Variants in PIGW observed in about 807,000 individuals in gnomAD.
PIGW encodes phosphatidylinositol glycan anchor biosynthesis class W, also known as glucosaminyl-phosphatidylinositol-acyltransferase PIGW.
A neutral mutation model predicts 34.0 loss-of-function variants in PIGW; 23 were observed. The ratio of observed to expected loss-of-function variants is 0.68; its 90% CI spans 0.49 to 0.96. The LOEUF (loss-of-function observed/expected upper bound fraction) is 0.96. PIGW is among the 40% of genes least tolerant of loss of function. The pLI, the probability that PIGW is intolerant of heterozygous loss-of-function variation, is 0.00. For missense variants in PIGW, 574 were observed against 586.3 expected, an observed-to-expected ratio of 0.98 and a Z score of 0.22; for synonymous variants, 225 against 225.2, an observed-to-expected ratio of 1.00 and a Z score of 0.01.
Position 36,538,050 on chromosome 17 carries a change from A to G in PIGW, c.949A>G (p.Met317Val). 1.2e-6 allele frequency: 2 copies of G among 1,614,176 alleles called. No homozygotes were observed. The highest frequency in any genetic ancestry group is 1.1e-5 in the South Asian group (1 of 91,082). ...ISTLGYVAIHMAGVQTGLYMH... is the reference protein window; with the variant it reads ...ISTLGYVAIHVAGVQTGLYMH... ...TACCCTGGGGTATGTGGCAATACACATGGCTGGTGTGCAAACAGGGTTATA... is the reference window on the plus strand; with the variant it reads ...TACCCTGGGGTATGTGGCAATACACGTGGCTGGTGTGCAAACAGGGTTATA... The change falls in exon 2 of 2, where the codon ATG (methionine) becomes GTG (valine). Residue 317 changes from methionine (M) to valine (V), a missense_variant. Coordinates refer to ENST00000614443, the MANE Select transcript of PIGW (RefSeq NM_001346754.2).
intron 1 of PIGW, among the ~76,000 whole-genome samples, chr17:36,536,885 A>G (rs1240007604): frequency 6.6e-6 from 1 of 152,148 alleles, no homozygotes; most frequent in East Asian, 1.9e-4. Context: ...ATAATTTAAT[A>G]TTATTAGTAT....
At chr17:36,536,209 C>T (rs887751238) in intron 1 of PIGW, among the ~76,000 whole-genome samples, 8 of 152,148 alleles carry the variant, frequency 5.3e-5, no homozygotes, top group Non-Finnish European at 1.2e-4. Flanking sequence ...CCATCCTAAC[C>T]TGAAAACATA....
chr17:36,537,004 C>A, intron 1 of PIGW, 90 bp from the exon 2 acceptor site: 2 of 1,138,408 alleles, frequency 1.8e-6, no homozygotes, highest in Non-Finnish European at 1.2e-6. Flanking sequence ...GCTCTGAAAT[C>A]TAGTAATAAG....
At chr17:36,536,518 CTTTT>C (rs1315279215) in intron 1 of PIGW, among the ~76,000 whole-genome samples, 1 of 139,216 alleles carries the variant, frequency 7.2e-6, no homozygotes, top group Non-Finnish European at 1.6e-5. Context: ...TTTGCTTTTT[CTTTT>C]CCTTTTTTTT....
In PIGW at chr17:36,538,340, T is replaced by G. The variant is rs1444984264; in HGVS notation, c.1239T>G (p.Leu413=). 6.2e-7 allele frequency: 1 copy of G among 1,614,164 alleles called. No homozygotes were observed. Among genetic ancestry groups the G allele is most frequent in the African/African-American group, 1.3e-5 (1 of 75,038 alleles). ...KGALVPCSWK[L]IQSPVTNKKH... is the part of the protein sequence containing the mutation. ...CTCTAGTACCATGTTCTTGGAAACT[T>G]ATCCAGTCACCTGTTACAAATAAAA... The change falls in exon 2 of 2, where the codon CTT becomes CTG. Residue 413 remains leucine (L), a synonymous_variant. Coordinates refer to ENST00000614443, the MANE Select transcript of PIGW (RefSeq NM_001346754.2).
At chr17:36,536,683 T>C (rs975972785) in intron 1 of PIGW, among the ~76,000 whole-genome samples, 6 of 151,864 alleles carry the variant, frequency 4.0e-5, no homozygotes, top group African/African-American at 1.5e-4. Context: ...CCTGGCTAAT[T>C]TTTGTATTTT....
chr17:36,536,555 T>G (rs1291620841), intron 1 of PIGW, among the ~76,000 whole-genome samples: 10 of 145,650 alleles, frequency 6.9e-5, no homozygotes, highest in African/African-American at 2.5e-4. Flanking sequence ...AGATGGAGTC[T>G]CACTCTGTGG....
chr17:36,538,621 C>A lies in PIGW; in HGVS notation c.*5C>A. On this transcript the variant is annotated 3_prime_UTR_variant, in exon 2 of 2. Coordinates refer to ENST00000614443, the MANE Select transcript of PIGW (RefSeq NM_001346754.2). Reference sequence around the variant, plus strand: ...AAGACTGTACAATTTTGGTGATCAGCAGGAGTAGGATATATAAGTATTTGG... The same window carrying A: ...AAGACTGTACAATTTTGGTGATCAGAAGGAGTAGGATATATAAGTATTTGG... 1 of 1,571,326 alleles carries A rather than the reference C, an allele frequency of 6.4e-7. No individual in the cohort carries two copies. Among genetic ancestry groups the A allele is most frequent in the Non-Finnish European group, 8.7e-7 (1 of 1,150,578 alleles).
At position 36,537,517 on chromosome 17, in the gene PIGW, T is replaced by G; in HGVS notation, c.416T>G (p.Phe139Cys). ...ISCFRVITSA[F>C]TAIAILAVDF... ...TGTTTCCGTGTAATTACCAGTGCGT[T>G]TACTGCTATTGCTATTTTGGCTGTG... Residue 139 changes from phenylalanine (F) to cysteine (C), a missense_variant, in exon 2 of 2, where the codon TTT becomes TGT. Coordinates refer to ENST00000614443, the MANE Select transcript of PIGW (RefSeq NM_001346754.2). 2 of 1,614,200 alleles carry G rather than the reference T, an allele frequency of 1.2e-6. No individual in the cohort carries two copies. The highest frequency in any genetic ancestry group is 1.7e-6 in the Non-Finnish European group (2 of 1,180,040).
intron 1 of PIGW, among the ~76,000 whole-genome samples, chr17:36,536,427 G>A (rs535476063): frequency 1.3e-5 from 2 of 151,982 alleles, no homozygotes; most frequent in Admixed American, 6.6e-5. Context: ...TTCATGATAC[G>A]TACTGTGCTC....
At position 36,538,779 on chromosome 17, in the gene PIGW, A is replaced by T; in HGVS notation, c.*163A>T. On this transcript the variant is annotated 3_prime_UTR_variant, in exon 2 of 2. Transcript: ENST00000614443. ...TTAATTATTTTTTTTTTTGAGACAG[A>T]GTCTTGCTCTGTTACCCAGGCTGGA... 1 of 654,884 alleles carries T rather than the reference A, an allele frequency of 1.5e-6. No homozygotes were observed. The highest frequency in any genetic ancestry group is 2.5e-6 in the Non-Finnish European group (1 of 394,462). 40.6% of individuals were successfully genotyped at this position (654,884 alleles called of 1,614,324 possible).
chr17:36,537,961 A>G lies in PIGW; in HGVS notation c.860A>G (p.Tyr287Cys). 6.2e-7 allele frequency: 1 copy of G among 1,614,046 alleles called. No homozygotes were observed. The highest frequency in any genetic ancestry group is 8.5e-7 in the Non-Finnish European group (1 of 1,180,004). Residue 287 changes from tyrosine (Y) to cysteine (C), a missense_variant, in exon 2 of 2, where the codon TAT becomes TGT. Transcript: ENST00000614443. ...DFTSLKRLILYGTDGSGTRVG... is the reference protein window; with the variant it reads ...DFTSLKRLILCGTDGSGTRVG... ...ACCTCACTGAAGAGGTTAATATTAT[A>G]TGGCACTGATGGTAGTGGCACACGG...
chr17:36,537,592 C>G lies in PIGW; in HGVS notation c.491C>G (p.Thr164Arg). ...RRFAKTELYGTGAMDFGVGGF... is the reference protein window; with the variant it reads ...RRFAKTELYGRGAMDFGVGGF... Reference sequence around the variant, plus strand: ...TTTGCCAAAACTGAGCTCTATGGGACAGGAGCAATGGATTTTGGAGTAGGT... The same window carrying G: ...TTTGCCAAAACTGAGCTCTATGGGAGAGGAGCAATGGATTTTGGAGTAGGT... The change falls in exon 2 of 2, where the codon ACA (threonine) becomes AGA (arginine). Residue 164 changes from threonine to arginine, a missense_variant. By Grantham distance (71) the Thr-to-Arg change is moderately conservative (BLOSUM62 -1). Transcript: ENST00000614443. 2 of 1,614,138 alleles carry G rather than the reference C, an allele frequency of 1.2e-6. No individual in the cohort carries two copies. Among genetic ancestry groups the G allele is most frequent in the Non-Finnish European group, 1.7e-6 (2 of 1,180,036 alleles).
At position 36,538,478 on chromosome 17, in the gene PIGW, T is replaced by G; in HGVS notation, c.1377T>G (p.Thr459=). ...TTTTCTTGCTGTCAAATATAACAAC[T>G]GGCCTGATCAACCTGATGGTAGATA... ...LIFFLLSNIT[T]GLINLMVDTL... Residue 459 remains threonine (T), a synonymous_variant, in exon 2 of 2, where the codon ACT becomes ACG. Coordinates refer to ENST00000614443, the MANE Select transcript of PIGW (RefSeq NM_001346754.2). The G allele has an allele frequency of 6.2e-7, 1 of 1,614,164 alleles. No homozygotes were observed. The highest frequency in any genetic ancestry group is 8.5e-7 in the Non-Finnish European group (1 of 1,180,012).
In PIGW at chr17:36,538,401, A is replaced by C; in HGVS notation, c.1300A>C (p.Met434Leu). 1 of 1,614,082 alleles carries C rather than the reference A, an allele frequency of 6.2e-7. No homozygotes were observed. The highest frequency in any genetic ancestry group is 1.3e-5 in the African/African-American group (1 of 75,052). ...ATCTCTAGTCCCTGAAGCCGAAAGA[A>C]TGGAACCCAGTCTTTGTTTAATCAC... ...SESLVPEAER[M>L]EPSLCLITAL... The change falls in exon 2 of 2, where the codon ATG becomes CTG. Residue 434 changes from methionine to leucine, a missense_variant. Coordinates refer to ENST00000614443, the MANE Select transcript of PIGW (RefSeq NM_001346754.2).
Position 36,538,362 on chromosome 17 carries a change from A to G in PIGW, c.1261A>G (p.Lys421Glu). ...ACTTATCCAGTCACCTGTTACAAAT[A>G]AAAAGCATTCAGAATCTCTAGTCCC... ...WKLIQSPVTN[K>E]KHSESLVPEA... is the part of the protein sequence containing the mutation. The change falls in exon 2 of 2, where the codon AAA becomes GAA. Residue 421 changes from lysine (K) to glutamate (E), a missense_variant. Lys to Glu is a moderately conservative substitution (Grantham distance 56). Coordinates refer to ENST00000614443, the MANE Select transcript of PIGW (RefSeq NM_001346754.2). The G allele has an allele frequency of 6.2e-7, 1 of 1,614,190 alleles. No homozygotes were observed. The highest frequency in any genetic ancestry group is 1.1e-5 in the South Asian group (1 of 91,086).
rs1202637398 is a variant in PIGW, at chr17:36,538,481, C to T, written c.1380C>T (p.Gly460=). ...IFFLLSNITT[G]LINLMVDTLH... is the part of the protein sequence containing the mutation. The stretch of plus-strand genomic sequence containing the variant: ...TCTTGCTGTCAAATATAACAACTGG[C>T]CTGATCAACCTGATGGTAGATACAT... The change falls in exon 2 of 2, where the codon GGC becomes GGT. Residue 460 remains glycine, a synonymous_variant. Transcript: ENST00000614443. 6.2e-7 allele frequency: 1 copy of T among 1,614,084 alleles called. No homozygotes were observed. Among genetic ancestry groups the T allele is most frequent in the Non-Finnish European group, 8.5e-7 (1 of 1,179,970 alleles).
rs376634596 is a variant in PIGW, at chr17:36,537,106, C to A, written c.5C>A (p.Ser2Tyr). The change falls in exon 2 of 2, where the codon TCT becomes TAT. Residue 2 changes from serine (S) to tyrosine (Y), a missense_variant. Ser to Tyr is a moderately radical substitution (Grantham distance 144). Coordinates refer to ENST00000614443, the MANE Select transcript of PIGW (RefSeq NM_001346754.2). ...CTTGTTTTCACAGGAAGAAAAATGTCTGAAAAGCAGATGAAGGAAGCTTTT... is the reference window on the plus strand; with the variant it reads ...CTTGTTTTCACAGGAAGAAAAATGTATGAAAAGCAGATGAAGGAAGCTTTT... M[S>Y]EKQMKEAFVS... 1.3e-6 allele frequency: 2 copies of A among 1,583,484 alleles called. No individual in the cohort carries two copies. The highest frequency in any genetic ancestry group is 2.7e-5 in the African/African-American group (2 of 73,332).
chr17:36,538,302 C>G lies in PIGW; in HGVS notation c.1201C>G (p.Leu401Val). 1 of 1,613,368 alleles carries G rather than the reference C, an allele frequency of 6.2e-7. No individual in the cohort carries two copies. Among genetic ancestry groups the G allele is most frequent in the Admixed American group, 1.7e-5 (1 of 59,904 alleles). Residue 401 changes from leucine (L) to valine (V), a missense_variant, in exon 2 of 2, where the codon CTA (leucine) becomes GTA (valine). Physicochemically the swap from Leu to Val is conservative, Grantham distance 32 (BLOSUM62 1). Transcript: ENST00000614443. ...TATAATTTTGAGTTTTGCCAAATTT[C>G]TAATTAAAGGAGCTCTAGTACCATG... The part of the protein sequence containing the change: ...GDIILSFAKF[L>V]IKGALVPCSW...
Sources: allele counts gnomAD v4.1 joint callset (sites outside exome capture counted in the v4.1 genomes callset), GRCh38; gene constraint gnomAD v4.1.1; transcripts MANE v1.5; gene names NCBI Gene and HGNC (gene_info 2026-07-23, HGNC 2026-07-21).